The following TTC29 variants were observed in gnomAD, a reference collection of about 807,000 sequenced individuals.
The protein encoded by TTC29 is tetratricopeptide repeat domain 29, also known as tetratricopeptide repeat protein 29.
Under a neutral mutation model 58.1 loss-of-function variants are expected in TTC29, and 49 were observed. The ratio of observed to expected loss-of-function variants is 0.84; its 90% CI spans 0.67 to 1.07. The LOEUF is 1.07. Ranked by LOEUF, TTC29 falls within the 50% of genes least tolerant of loss-of-function variation. The probability of loss-of-function intolerance (pLI) is 0.00; values close to 1 mark genes in which losing one functional copy is unlikely to be tolerated. For missense variants in TTC29, 582 were observed against 555.6 expected, an observed-to-expected ratio of 1.05 and a Z score of -0.48; for synonymous variants, 209 against 196.8, an observed-to-expected ratio of 1.06 and a Z score of -0.52.
At chr4:146,797,960 AT>A (rs1039486217) in intron 11 of TTC29, among the ~76,000 whole-genome samples, 1 of 147,258 alleles carries the variant, frequency 6.8e-6, no homozygotes, top group Non-Finnish European at 1.5e-5. Context: ...TCTCTGTTCA[AT>A]TTTTTTTTCA....
At chr4:146,744,580 G>T (rs182832755) in intron 11 of TTC29, among the ~76,000 whole-genome samples, 1 of 152,138 alleles carries the variant, frequency 6.6e-6, no homozygotes, top group Non-Finnish European at 1.5e-5. Context: ...TCTATGAAGG[G>T]GGTAGCACCA....
chr4:146,893,407 C>A (rs1732523237), intron 6 of TTC29, among the ~76,000 whole-genome samples: 1 of 152,058 alleles, frequency 6.6e-6, no homozygotes, highest in African/African-American at 2.4e-5. Flanking sequence ...CTTTGACAAA[C>A]CTGAGAAAAA....
At chr4:146,850,627 T>C (rs1268584409) in intron 8 of TTC29, among the ~76,000 whole-genome samples, 2 of 152,314 alleles carry the variant, frequency 1.3e-5, no homozygotes, top group Non-Finnish European at 2.9e-5. Flanking sequence ...AATTTGGTGG[T>C]CTTTCTGGTA....
At chr4:146,928,067 G>A (rs376252101) in intron 4 of TTC29, among the ~76,000 whole-genome samples, 1 of 152,078 alleles carries the variant, frequency 6.6e-6, no homozygotes, top group Non-Finnish European at 1.5e-5. Flanking sequence ...TAATACAGTC[G>A]AGCCATTTAA....
intron 9 of TTC29, among the ~76,000 whole-genome samples, chr4:146,827,500 A>T (rs1201547115): frequency 6.6e-6 from 1 of 152,222 alleles, no homozygotes; most frequent in African/African-American, 2.4e-5. Context: ...GTAAACAGTG[A>T]TATGTTTTTA....
At chr4:146,797,800 T>C (rs866956385) in intron 11 of TTC29, among the ~76,000 whole-genome samples, 4 of 147,662 alleles carry the variant, frequency 2.7e-5, no homozygotes, top group Non-Finnish European at 6.0e-5. Flanking sequence ...TAAATCAAAT[T>C]TGTAAAACAA....
At chr4:146,914,813 T>TA (rs940080782) in intron 4 of TTC29, among the ~76,000 whole-genome samples, 16 of 152,162 alleles carry the variant, frequency 1.1e-4, no homozygotes, top group African/African-American at 3.6e-4. Context: ...AACATCTCCC[T>TA]AAAAAAATGC....
chr4:146,783,245 C>A (rs1243982391), intron 11 of TTC29, among the ~76,000 whole-genome samples: 1 of 151,962 alleles, frequency 6.6e-6, no homozygotes, highest in Non-Finnish European at 1.5e-5. Context: ...AATTCCTTTT[C>A]ACTCTCCACA....
chr4:146,932,932 C>G (rs1209752566), intron 4 of TTC29, among the ~76,000 whole-genome samples: 1 of 152,028 alleles, frequency 6.6e-6, no homozygotes, highest in Admixed American at 6.5e-5. Flanking sequence ...GTGGCGGACG[C>G]CTGTAGTCCC....
intron 11 of TTC29, among the ~76,000 whole-genome samples, chr4:146,762,190 A>G (rs1746957866): frequency 6.6e-6 from 1 of 151,962 alleles, no homozygotes; most frequent in Non-Finnish European, 1.5e-5. Flanking sequence ...TCATTTTCAC[A>G]AAAACTAATA....
chr4:146,870,977 A>G (rs1730888608), intron 7 of TTC29, among the ~76,000 whole-genome samples: 1 of 151,988 alleles, frequency 6.6e-6, no homozygotes, highest in Non-Finnish European at 1.5e-5. Flanking sequence ...AACACCTCCC[A>G]AATCATTCTG....
At chr4:146,872,064 G>A (rs1448943729) in intron 7 of TTC29, among the ~76,000 whole-genome samples, 1 of 152,000 alleles carries the variant, frequency 6.6e-6, no homozygotes, top group Non-Finnish European at 1.5e-5. Context: ...AGAGATCAAG[G>A]CAATAGAATT....
intron 4 of TTC29, among the ~76,000 whole-genome samples, chr4:146,936,082 G>A (rs1432199590): frequency 6.6e-6 from 1 of 152,188 alleles, no homozygotes; most frequent in African/African-American, 2.4e-5. Context: ...GTCTAAGAAA[G>A]CACTGAAGTG....
intron 4 of TTC29, among the ~76,000 whole-genome samples, chr4:146,937,366 T>C (rs527378967): frequency 3.9e-4 from 60 of 152,154 alleles, no homozygotes; most frequent in Middle Eastern, 3.4e-3. Context: ...GCAAATGTGA[T>C]AGTATAATAT....
chr4:146,754,982 G>A (rs1746328541), intron 11 of TTC29, among the ~76,000 whole-genome samples: 1 of 152,024 alleles, frequency 6.6e-6, no homozygotes, highest in African/African-American at 2.4e-5. Context: ...CAGATGACAT[G>A]ATCCTGTATG....
intron 4 of TTC29, among the ~76,000 whole-genome samples, chr4:146,931,721 T>C (rs1395957913): frequency 6.6e-6 from 1 of 152,160 alleles, no homozygotes; most frequent in Non-Finnish European, 1.5e-5. Flanking sequence ...TATGTGAAAA[T>C]AGCATTTTAA....
Position 146,939,846 on chromosome 4 carries a change from A to G in TTC29, c.50T>C (p.Leu17Ser). Residue 17 changes from leucine (L) to serine (S), a missense_variant, in exon 3 of 13, where the codon TTA (leucine) becomes TCA (serine). Coordinates refer to ENST00000325106, the MANE Select transcript of TTC29 (RefSeq NM_031956.4). ...GGAGCAAGGCAGCTTCTGTCTGGCT[A>G]AGGCTGTAAGCTTCGGGCGTGTCAT... is the stretch of plus-strand genomic sequence containing the variant. ...LPMTRPKLTALARQKLPCSSR... is the reference protein window; with the variant it reads ...LPMTRPKLTASARQKLPCSSR... 6.2e-7 allele frequency: 1 copy of G among 1,613,408 alleles called. No individual in the cohort carries two copies. The highest frequency in any genetic ancestry group is 8.5e-7 in the Non-Finnish European group (1 of 1,179,710).
intron 7 of TTC29, 35 bp from the exon 8 acceptor site, chr4:146,867,618 CAATA>C (rs1730650281): frequency 1.0e-6 from 1 of 1,000,768 alleles, no homozygotes; most frequent in South Asian, 1.7e-5. Flanking sequence ...ACCAAGTATT[CAATA>C]AATGATTTAT....
At position 146,867,580 on chromosome 4, in the gene TTC29, C is replaced by T. The variant is rs879526244; in HGVS notation, c.803G>A (p.Ser268Asn). The T allele has an allele frequency of 1.1e-5, 17 of 1,492,698 alleles. No homozygotes were observed. The highest frequency in any genetic ancestry group is 1.5e-5 in the Non-Finnish European group (17 of 1,109,888). The allele number at this position is 1,492,698 out of a possible 1,614,324, so 92.5% of individuals were successfully genotyped here. A position where few individuals can be genotyped will look rare whatever the true frequency, so the allele number is the denominator to read the frequency against. Residue 268 changes from serine to asparagine, a missense_variant, in exon 8 of 13, where the codon AGT becomes AAT. By Grantham distance (46) the Ser-to-Asn change is conservative (BLOSUM62 1). Transcript: ENST00000325106. ...GGCTTCCGCTTCCATCTTTTTGTCACTTCCTGAAGTGAAGATGTAAAAAAA... is the reference window on the plus strand; with the variant it reads ...GGCTTCCGCTTCCATCTTTTTGTCATTTCCTGAAGTGAAGATGTAAAAAAA... The part of the protein sequence containing the change: ...IKASEIAKEG[S>N]DKKMEAEASY...
Sources: gnomAD v4.1 joint callset for allele counts (sites outside exome capture counted in the v4.1 genomes callset) on GRCh38, gnomAD v4.1.1 for gene constraint, MANE v1.5 for transcripts, NCBI Gene and HGNC (gene_info 2026-07-23, HGNC 2026-07-21) for gene names.